CCDC171: variants seen among roughly 807,000 people sequenced by gnomAD.
CCDC171 encodes the protein coiled-coil domain-containing protein 171.
In CCDC171, 177 loss-of-function variants were observed where a neutral mutation model predicts 168.2. That is an observed-to-expected ratio of 1.05 (90% CI 0.93 to 1.19). CCDC171 has a LOEUF of 1.19. CCDC171 is among the 50% of genes most tolerant of loss of function. The pLI, the probability that CCDC171 is intolerant of heterozygous loss-of-function variation, is 0.00. For missense variants in CCDC171, 1,991 were observed against 1,539.0 expected (o/e 1.29, Z -4.91); for synonymous variants, 687 against 540.8 (o/e 1.27, Z -3.75).
At chr9:16,086,564 C>T in the CCDC171 span, among the ~76,000 whole-genome samples, 6 of 152,072 alleles carry the variant, frequency 3.9e-5, no homozygotes, top group Admixed American at 1.3e-4. Context: ...CCTCAGCCTC[C>T]CTATCATTTT....
intron 6 of CCDC171, among the ~76,000 whole-genome samples, chr9:15,599,644 G>C (rs1038171600): frequency 6.6e-6 from 1 of 152,016 alleles, no homozygotes; most frequent in Non-Finnish European, 1.5e-5. Context: ...TGCTCCTTTC[G>C]AGGAGTATCT....
At chr9:15,627,221 G>C (rs892822769) in intron 7 of CCDC171, among the ~76,000 whole-genome samples, 1 of 151,418 alleles carries the variant, frequency 6.6e-6, no homozygotes, top group Non-Finnish European at 1.5e-5. Flanking sequence ...TTCTTTATTA[G>C]TCTTGCTAGC....
At chr9:16,053,412 A>G (rs940743881) in intron 1 of CCDC171, among the ~76,000 whole-genome samples, 3 of 152,260 alleles carry the variant, frequency 2.0e-5, no homozygotes, top group Non-Finnish European at 4.4e-5. Context: ...TGGGGGATAC[A>G]GGCAAGTAAG....
intron 8 of CCDC171, among the ~76,000 whole-genome samples, chr9:15,661,039 G>C (rs1564159155): frequency 6.6e-6 from 1 of 152,128 alleles, no homozygotes. Context: ...CCAGCACTTT[G>C]GGAGGCCGAG....
chr9:15,833,324 C>T (rs956052105), intron 21 of CCDC171, among the ~76,000 whole-genome samples: 3 of 152,112 alleles, frequency 2.0e-5, no homozygotes, highest in Non-Finnish European at 4.4e-5. Flanking sequence ...CTGTAGTATA[C>T]ATGGTCCAAT....
At chr9:15,918,521 A>G (rs1350168702) in intron 24 of CCDC171, among the ~76,000 whole-genome samples, 4 of 151,580 alleles carry the variant, frequency 2.6e-5, no homozygotes, top group African/African-American at 9.7e-5. Flanking sequence ...GACTTGACAT[A>G]GGAAAAAACA....
At chr9:15,586,806 A>C (rs1005190961) in intron 4 of CCDC171, among the ~76,000 whole-genome samples, 1 of 151,952 alleles carries the variant, frequency 6.6e-6, no homozygotes, top group Non-Finnish European at 1.5e-5. Context: ...TTAATTAATT[A>C]ATTATTATTA....
At chr9:15,737,450 G>A (rs951379076) in intron 16 of CCDC171, among the ~76,000 whole-genome samples, 1 of 152,138 alleles carries the variant, frequency 6.6e-6, no homozygotes, top group African/African-American at 2.4e-5. Context: ...CTGTTGCCAG[G>A]ATCTGAAAGC....
At chr9:15,981,861 A>C (rs2132871568) in intron 3 of CCDC171, among the ~76,000 whole-genome samples, 1 of 152,290 alleles carries the variant, frequency 6.6e-6, no homozygotes. Flanking sequence ...AAAGCGTCTG[A>C]AGTTCTCCTC....
chr9:16,098,064 G>C, the CCDC171 span, among the ~76,000 whole-genome samples: 3 of 152,178 alleles, frequency 2.0e-5, no homozygotes, highest in African/African-American at 7.2e-5. Flanking sequence ...AATCAGCGTA[G>C]CCTTTGTAGC....
At chr9:15,946,553 C>A (rs1037163532) in intron 25 of CCDC171, among the ~76,000 whole-genome samples, 1 of 152,004 alleles carries the variant, frequency 6.6e-6, no homozygotes, top group East Asian at 2.0e-4. Flanking sequence ...ATTCCATGCT[C>A]ATGGGTAGGA....
chr9:15,994,088 G>C (rs1004206106), intron 3 of CCDC171, among the ~76,000 whole-genome samples: 26 of 152,146 alleles, frequency 1.7e-4, no homozygotes, highest in Admixed American at 8.5e-4. Flanking sequence ...CCATTGCTAT[G>C]TATATACCGA....
At chr9:16,073,945 C>T in the CCDC171 span, among the ~76,000 whole-genome samples, 172 of 152,338 alleles carry the variant, frequency 1.1e-3, no homozygotes, top group Non-Finnish European at 1.9e-3. Flanking sequence ...GAGTATCTCA[C>T]TGCTGCTCTC....
chr9:16,093,769 A>G, the CCDC171 span, among the ~76,000 whole-genome samples: 1 of 152,188 alleles, frequency 6.6e-6, no homozygotes, highest in Non-Finnish European at 1.5e-5. Context: ...CAGCTAACCA[A>G]CATAAGTGAG....
chr9:15,950,223 T>C (rs886734160), intron 25 of CCDC171, among the ~76,000 whole-genome samples: 10 of 145,968 alleles, frequency 6.9e-5, no homozygotes, highest in African/African-American at 2.2e-4. Context: ...CAGGAGAACT[T>C]CCCCAATCTA....
rs181119006 is a variant in CCDC171 at position 15,619,985 on chromosome 9, A to C, written c.676-3282A>C. 2.4e-4 allele frequency among the ~76,000 whole-genome samples: 37 copies of C among 152,350 alleles called. No individual in the cohort carries two copies. In the East Asian group the frequency reaches 5.8e-3, roughly 24 times the overall value. ...CAGATGACAGCTCATCTCTTTACAG[A>C]ATATTTAACTGAATATTTAAGCCCA... is the stretch of plus-strand genomic sequence containing the variant. On this transcript the variant is annotated intron_variant, in intron 6 of 25. Coordinates refer to ENST00000380701, the MANE Select transcript of CCDC171 (RefSeq NM_173550.4).
intron 8 of CCDC171, among the ~76,000 whole-genome samples, chr9:15,659,162 T>C (rs529600187): frequency 6.6e-6 from 1 of 152,312 alleles, no homozygotes; most frequent in East Asian, 1.9e-4. Context: ...ACCTGAACAA[T>C]GTACATTTAC....
At chr9:15,888,585 A>G (rs1018024348) in intron 24 of CCDC171, among the ~76,000 whole-genome samples, 15 of 152,218 alleles carry the variant, frequency 9.9e-5, no homozygotes, top group East Asian at 1.9e-4. Flanking sequence ...AGAATATCAT[A>G]CCAGAAATTT....
chr9:16,017,321 T>G (rs1237580653), intron 3 of CCDC171, among the ~76,000 whole-genome samples: 2 of 152,186 alleles, frequency 1.3e-5, no homozygotes, highest in African/African-American at 4.8e-5. Context: ...AATACCATTT[T>G]GATTTAAAAA....
Sources: allele counts gnomAD v4.1 joint callset (sites outside exome capture counted in the v4.1 genomes callset), GRCh38; gene constraint gnomAD v4.1.1; transcripts MANE v1.5; gene names NCBI Gene and HGNC (gene_info 2026-07-23, HGNC 2026-07-21).